The following SCHIP1 variants were observed in gnomAD, a reference collection of about 807,000 sequenced individuals.
SCHIP1 encodes the protein schwannomin-interacting protein 1.
Under a neutral mutation model 29.7 loss-of-function variants are expected in SCHIP1, and 8 were observed. The ratio of observed to expected loss-of-function variants is 0.27; its 90% CI spans 0.16 to 0.49. The LOEUF (loss-of-function observed/expected upper bound fraction) is 0.49, where lower values mean the gene tolerates loss of function less well. SCHIP1 is among the 20% of genes least tolerant of loss of function. The pLI, the probability that SCHIP1 is intolerant of heterozygous loss-of-function variation, is 0.99. For synonymous variants in SCHIP1, 76 were observed against 94.9 expected (o/e 0.80, Z 1.16); for missense variants, 193 against 294.6 (o/e 0.66, Z 2.52).
chr3:159,671,950 C>G, the SCHIP1 span, among the ~76,000 whole-genome samples: 1 of 152,142 alleles, frequency 6.6e-6, no homozygotes, highest in Non-Finnish European at 1.5e-5. Context: ...CAGGAGAGCA[C>G]TTGGTACTAA....
chr3:159,605,197 T>C, the SCHIP1 span, among the ~76,000 whole-genome samples: 1 of 152,080 alleles, frequency 6.6e-6, no homozygotes, highest in Non-Finnish European at 1.5e-5. Context: ...AGAAGGAGGG[T>C]GGGCTAGGAA....
At chr3:159,863,642 G>A (rs1714295761) in intron 1 of SCHIP1, among the ~76,000 whole-genome samples, 1 of 152,120 alleles carries the variant, frequency 6.6e-6, no homozygotes, top group African/African-American at 2.4e-5. Flanking sequence ...TAAAATGTTA[G>A]CAATCATGTC....
chr3:159,571,825 A>G, the SCHIP1 span, among the ~76,000 whole-genome samples: 1 of 152,146 alleles, frequency 6.6e-6, no homozygotes, highest in African/African-American at 2.4e-5. Flanking sequence ...GTCTATTCAG[A>G]GATTCAACTT....
the SCHIP1 span, among the ~76,000 whole-genome samples, chr3:159,290,579 G>A: frequency 6.6e-6 from 1 of 151,966 alleles, no homozygotes; most frequent in Non-Finnish European, 1.5e-5. Flanking sequence ...GAAAACAAAT[G>A]AATCTAATTG....
chr3:159,760,088 T>TG, the SCHIP1 span, among the ~76,000 whole-genome samples: 23 of 36,638 alleles, frequency 6.3e-4, no homozygotes, highest in Non-Finnish European at 9.4e-4. Context: ...TGCAGGGGGG[T>TG]GGGGGGGATA....
chr3:159,774,234 C>A, the SCHIP1 span, among the ~76,000 whole-genome samples: 5 of 152,116 alleles, frequency 3.3e-5, no homozygotes, highest in Non-Finnish European at 4.4e-5. Context: ...TACCAAGTCT[C>A]TCTTAAAATC....
chr3:159,345,393 A>AT, the SCHIP1 span, among the ~76,000 whole-genome samples: 1 of 152,192 alleles, frequency 6.6e-6, no homozygotes, highest in Non-Finnish European at 1.5e-5. Context: ...GACTATTGTT[A>AT]TCTTAGTCTC....
chr3:159,608,177 T>C, the SCHIP1 span, among the ~76,000 whole-genome samples: 3 of 152,236 alleles, frequency 2.0e-5, no homozygotes, highest in Admixed American at 2.0e-4. Context: ...GCCATGATGA[T>C]GTATCTGCTA....
At chr3:159,582,785 T>TACACACACACAC in the SCHIP1 span, among the ~76,000 whole-genome samples, 5 of 80,402 alleles carry the variant, frequency 6.2e-5, no homozygotes, top group South Asian at 6.1e-4. Context: ...GAAATATATA[T>TACACACACACAC]ATACACACAC....
chr3:159,475,198 T>C, the SCHIP1 span, among the ~76,000 whole-genome samples: 1 of 152,170 alleles, frequency 6.6e-6, no homozygotes, highest in East Asian at 1.9e-4. Flanking sequence ...AACTGATGAA[T>C]GAACAAATTG....
the SCHIP1 span, among the ~76,000 whole-genome samples, chr3:159,396,378 T>G: frequency 1.3e-3 from 194 of 148,280 alleles, no homozygotes; most frequent in African/African-American, 4.7e-3. Context: ...GTTAGCTGGT[T>G]ATTTTGCTCA....
At chr3:159,370,257 T>G in the SCHIP1 span, among the ~76,000 whole-genome samples, 1 of 152,170 alleles carries the variant, frequency 6.6e-6, no homozygotes, top group Admixed American at 6.6e-5. Context: ...TTGCTCACTC[T>G]ATCTCAGCCA....
chr3:159,822,336 TG>T, the SCHIP1 span, among the ~76,000 whole-genome samples: 1 of 152,000 alleles, frequency 6.6e-6, no homozygotes, highest in Middle Eastern at 3.4e-3. Context: ...GAGTACAGAA[TG>T]GTGAAAAGTG....
At chr3:159,653,920 T>C in the SCHIP1 span, among the ~76,000 whole-genome samples, 1 of 152,192 alleles carries the variant, frequency 6.6e-6, no homozygotes, top group Non-Finnish European at 1.5e-5. Flanking sequence ...TTACAAATTA[T>C]ATGACTGTAT....
At chr3:159,648,527 C>T in the SCHIP1 span, among the ~76,000 whole-genome samples, 1 of 152,282 alleles carries the variant, frequency 6.6e-6, no homozygotes, top group East Asian at 1.9e-4. Context: ...AACTGTTCAA[C>T]CAATGGTAGC....
the SCHIP1 span, among the ~76,000 whole-genome samples, chr3:159,720,216 C>A: frequency 3.8e-5 from 4 of 103,946 alleles, no homozygotes; most frequent in East Asian, 1.1e-3. Flanking sequence ...CATCACACAC[C>A]GGGGCCTATC....
chr3:159,441,555 T>A, the SCHIP1 span, among the ~76,000 whole-genome samples: 1 of 151,886 alleles, frequency 6.6e-6, no homozygotes. Context: ...ATGTGAGAGT[T>A]CAAACCAGCA....
chr3:159,490,465 T>A, the SCHIP1 span, among the ~76,000 whole-genome samples: 1 of 152,218 alleles, frequency 6.6e-6, no homozygotes, highest in Admixed American at 6.5e-5. Flanking sequence ...ACTAGAGTAG[T>A]TCAATGAATT....
At chr3:159,750,296 T>TATATATACACAC in the SCHIP1 span, among the ~76,000 whole-genome samples, 8 of 132,740 alleles carry the variant, frequency 6.0e-5, no homozygotes, top group African/African-American at 2.5e-4. Context: ...TATATATATA[T>TATATATACACAC]ACACACACAC....
Sources: gnomAD v4.1 joint callset for allele counts (sites outside exome capture counted in the v4.1 genomes callset) on GRCh38, gnomAD v4.1.1 for gene constraint, MANE v1.5 for transcripts, NCBI Gene and HGNC (gene_info 2026-07-23, HGNC 2026-07-21) for gene names.